The following ALK variants were observed in gnomAD, a reference collection of about 807,000 sequenced individuals.
The protein encoded by ALK is ALK tyrosine kinase receptor.
Under a neutral mutation model 163.1 loss-of-function variants are expected in ALK, and 74 were observed. The observed-to-expected ratio is 0.45, with a 90% CI of 0.38 to 0.55. ALK has a LOEUF of 0.55. Among genes scored for constraint, ALK ranks in the 20% least tolerant of loss-of-function variants. The pLI is 0.00. For missense variants in ALK, 2,063 were observed against 2,105.3 expected, an observed-to-expected ratio of 0.98 and a Z score of 0.39; for synonymous variants, 960 against 843.2, an observed-to-expected ratio of 1.14 and a Z score of -2.40.
chr2:29,633,173 T>TCCA (rs3055133), intron 3 of ALK, among the ~76,000 whole-genome samples: 98,497 of 151,776 alleles, frequency 0.65, 32,663 homozygotes, highest in Middle Eastern at 0.73. Context: ...TCCATGATGA[T>TCCA]CCTCATAGGC....
intron 11 of ALK, among the ~76,000 whole-genome samples, chr2:29,265,352 A>T (rs1031071710): frequency 1.3e-5 from 2 of 151,892 alleles, no homozygotes; most frequent in Middle Eastern, 6.9e-3. Flanking sequence ...CGTGAGTCCT[A>T]CTCCTTAGCA....
At chr2:29,875,451 AC>A (rs1412294451) in intron 1 of ALK, among the ~76,000 whole-genome samples, 3 of 152,176 alleles carry the variant, frequency 2.0e-5, no homozygotes, top group African/African-American at 7.2e-5. Flanking sequence ...GTTCTGGGAT[AC>A]ATGTGCTGAA....
chr2:29,309,254 G>T (rs1034968064), intron 8 of ALK, among the ~76,000 whole-genome samples: 46 of 152,144 alleles, frequency 3.0e-4, no homozygotes, highest in African/African-American at 1.1e-3. Context: ...CTCTCAATGG[G>T]GTGTTCCCCC....
intron 9 of ALK, among the ~76,000 whole-genome samples, chr2:29,283,436 C>T (rs1185088864): frequency 1.3e-5 from 2 of 152,176 alleles, no homozygotes; most frequent in African/African-American, 2.4e-5. Flanking sequence ...AACATTTCCT[C>T]TGTCCTCTGT....
At chr2:29,836,410 G>A (rs1174561181) in intron 1 of ALK, among the ~76,000 whole-genome samples, 1 of 152,132 alleles carries the variant, frequency 6.6e-6, no homozygotes, top group Non-Finnish European at 1.5e-5. Context: ...GGCTGACCGA[G>A]TCACCATTTT....
chr2:29,787,486 G>A (rs1246269764), intron 1 of ALK, among the ~76,000 whole-genome samples: 1 of 152,218 alleles, frequency 6.6e-6, no homozygotes, highest in Non-Finnish European at 1.5e-5. Flanking sequence ...CATCATGTAT[G>A]TGAAGATAAA....
intron 1 of ALK, among the ~76,000 whole-genome samples, chr2:29,872,113 T>G (rs1234815621): frequency 6.6e-6 from 1 of 152,206 alleles, no homozygotes; most frequent in Non-Finnish European, 1.5e-5. Context: ...CTCCTTTTGA[T>G]TAAGCTCAGA....
intron 3 of ALK, among the ~76,000 whole-genome samples, chr2:29,569,937 G>T (rs1034334054): frequency 6.6e-6 from 1 of 152,158 alleles, no homozygotes; most frequent in Non-Finnish European, 1.5e-5. Context: ...TGCTTGCCCA[G>T]GCTCAGAGCT....
At chr2:29,664,813 C>A (rs145490554) in intron 3 of ALK, among the ~76,000 whole-genome samples, 86 of 152,122 alleles carry the variant, frequency 5.7e-4, no homozygotes, top group South Asian at 4.1e-3. Flanking sequence ...CCTTTCACTT[C>A]GTCCTCACAA....
At chr2:29,360,107 G>A (rs1205109886) in intron 5 of ALK, among the ~76,000 whole-genome samples, 1 of 152,248 alleles carries the variant, frequency 6.6e-6, no homozygotes, top group South Asian at 2.1e-4. Context: ...CAGAGCCTGA[G>A]GTGTGCACTA....
chr2:29,819,419 C>G (rs911176572), intron 1 of ALK, among the ~76,000 whole-genome samples: 1 of 152,204 alleles, frequency 6.6e-6, no homozygotes, highest in African/African-American at 2.4e-5. Flanking sequence ...ACTTACTTCA[C>G]AGGATTCTTG....
At chr2:29,900,041 A>G (rs1360655311) in intron 1 of ALK, among the ~76,000 whole-genome samples, 1 of 152,148 alleles carries the variant, frequency 6.6e-6, no homozygotes, top group East Asian at 1.9e-4. Flanking sequence ...TCATTGACCT[A>G]AAATCCTCAC....
intron 1 of ALK, among the ~76,000 whole-genome samples, chr2:29,898,020 T>C (rs150148687): frequency 6.6e-6 from 1 of 151,712 alleles, no homozygotes; most frequent in East Asian, 1.9e-4. Context: ...GAAAATGAAG[T>C]TGGAGGATGG....
chr2:29,777,636 A>G (rs982808668), intron 1 of ALK, among the ~76,000 whole-genome samples: 3 of 152,198 alleles, frequency 2.0e-5, no homozygotes, highest in African/African-American at 7.2e-5. Context: ...ATATCTCATA[A>G]GATGAGGGAC....
At chr2:29,510,530 T>C (rs1463776726) in intron 4 of ALK, among the ~76,000 whole-genome samples, 1 of 152,222 alleles carries the variant, frequency 6.6e-6, no homozygotes, top group Non-Finnish European at 1.5e-5. Flanking sequence ...TGGAAATTAA[T>C]AGTATTTACT....
intron 5 of ALK, among the ~76,000 whole-genome samples, chr2:29,337,268 C>A (rs1175970500): frequency 1.3e-5 from 2 of 152,098 alleles, no homozygotes. Flanking sequence ...TTCTATGACT[C>A]AAAATGTAAA....
intron 3 of ALK, among the ~76,000 whole-genome samples, chr2:29,682,558 T>C (rs1034917615): frequency 6.6e-6 from 1 of 152,194 alleles, no homozygotes; most frequent in African/African-American, 2.4e-5. Flanking sequence ...ATGTGTTGTC[T>C]TAATAAATGA....
chr2:29,441,810 CTGTTCCTCTGCAGCCCAGGAA>C (rs1393541536), intron 4 of ALK, among the ~76,000 whole-genome samples: 4 of 152,294 alleles, frequency 2.6e-5, no homozygotes, highest in South Asian at 2.1e-4. Context: ...GGACTATCCA[CTGTTCCTCTGCAGCCCAGGAA>C]TGTTCCTCTG....
chr2:29,477,127 A>C (rs1671545400), intron 4 of ALK, among the ~76,000 whole-genome samples: 1 of 152,164 alleles, frequency 6.6e-6, no homozygotes, highest in Non-Finnish European at 1.5e-5. Context: ...TGAGCAGTGC[A>C]GGCTGGGTAA....
Sources: allele counts gnomAD v4.1 joint callset (sites outside exome capture counted in the v4.1 genomes callset), GRCh38; gene constraint gnomAD v4.1.1; transcripts MANE v1.5; gene names NCBI Gene and HGNC (gene_info 2026-07-23, HGNC 2026-07-21).